Variants in HTR4 observed in about 807,000 individuals in gnomAD.
The protein encoded by HTR4 is 5-hydroxytryptamine (serotonin) receptor 4, G protein-coupled.
In HTR4, 16 loss-of-function variants were observed where a neutral mutation model predicts 36.8. The observed-to-expected ratio is 0.43, with a 90% confidence interval of 0.29 to 0.66. HTR4 has a LOEUF of 0.66. HTR4 is among the 30% of genes least tolerant of loss of function. The pLI, the probability that HTR4 is intolerant of heterozygous loss-of-function variation, is 0.13. For synonymous variants in HTR4, 189 were observed against 185.1 expected, an observed-to-expected ratio of 1.02 and a Z score of -0.17; for missense variants, 438 against 490.9, an observed-to-expected ratio of 0.89 and a Z score of 1.02.
intron 2 of HTR4, among the ~76,000 whole-genome samples, chr5:148,570,264 A>G (rs1760621157): frequency 6.6e-6 from 1 of 152,144 alleles, no homozygotes; most frequent in Non-Finnish European, 1.5e-5. Context: ...TCAACAGAGT[A>G]TTTGATAGTC....
chr5:148,550,066 T>C (rs1193365823), intron 3 of HTR4, 71 bp downstream of exon 3: 1 of 1,492,006 alleles, frequency 6.7e-7, no homozygotes, highest in African/African-American at 1.4e-5. Context: ...AATAGAAATG[T>C]TCACACCCAA....
intron 2 of HTR4, among the ~76,000 whole-genome samples, chr5:148,587,490 G>C (rs1424739674): frequency 6.6e-6 from 1 of 152,166 alleles, no homozygotes. Context: ...GGGATGGCTG[G>C]TGGTGGAATT....
At chr5:148,510,838 T>TTGTGCTTTAGTGTAACAGCC (rs1757462880) in intron 5 of HTR4, among the ~76,000 whole-genome samples, 1 of 151,980 alleles carries the variant, frequency 6.6e-6, no homozygotes, top group East Asian at 1.9e-4. Flanking sequence ...GTGTAACAGC[T>TTGTGCTTTAGTGTAACAGCC]TGTGTTTTAG....
At chr5:148,581,448 T>C (rs1441294832) in intron 2 of HTR4, among the ~76,000 whole-genome samples, 1 of 152,096 alleles carries the variant, frequency 6.6e-6, no homozygotes, top group Non-Finnish European at 1.5e-5. Context: ...TCCCCTCTGT[T>C]TTCTTCCAGG....
chr5:148,501,378 C>T (rs559441047), intron 6 of HTR4, among the ~76,000 whole-genome samples: 4 of 152,224 alleles, frequency 2.6e-5, no homozygotes, highest in African/African-American at 9.6e-5. Flanking sequence ...CCTCTGGGAA[C>T]AGGGGTAGGA....
At chr5:148,526,185 T>C (rs1470941026) in intron 4 of HTR4, among the ~76,000 whole-genome samples, 1 of 152,228 alleles carries the variant, frequency 6.6e-6, no homozygotes, top group African/African-American at 2.4e-5. Flanking sequence ...TGGTACCTGT[T>C]ATGACAGCTT....
chr5:148,566,190 A>G (rs1760432243), intron 2 of HTR4, among the ~76,000 whole-genome samples: 1 of 152,194 alleles, frequency 6.6e-6, no homozygotes, highest in Non-Finnish European at 1.5e-5. Flanking sequence ...TTTAATGACA[A>G]GGGACATTTC....
At chr5:148,570,638 C>T (rs1760636326) in intron 2 of HTR4, among the ~76,000 whole-genome samples, 2 of 152,048 alleles carry the variant, frequency 1.3e-5, no homozygotes, top group African/African-American at 2.4e-5. Flanking sequence ...TGCCTCATGT[C>T]AGATGCGGCC....
At chr5:148,529,920 T>A (rs1198546356) in intron 4 of HTR4, among the ~76,000 whole-genome samples, 1 of 152,188 alleles carries the variant, frequency 6.6e-6, no homozygotes, top group African/African-American at 2.4e-5. Context: ...GCAAAGAGAT[T>A]GGTGGCATTT....
At position 148,551,379 on chromosome 5, in the gene HTR4, C is replaced by A. The variant is rs566542005; in HGVS notation, c.27-1117G>T. Among the ~76,000 whole-genome samples, 8 of 152,260 alleles carry A rather than the reference C, an allele frequency of 5.3e-5. No homozygotes were observed. In the South Asian group the frequency reaches 1.7e-3, roughly 32 times the overall value. On this transcript the variant is annotated intron_variant, in intron 2 of 6. Transcript: ENST00000377888. ...CAGTGGCTCCTTTCACCACCCTGAT[C>A]ATTTCTTTTAGTGCCCACAATATGT...
intron 5 of HTR4, chr5:148,466,003 C>T: frequency 6.4e-7 from 1 of 1,563,542 alleles, no homozygotes; most frequent in Non-Finnish European, 8.6e-7. Context: ...AAAAAAAAAA[C>T]ATAGAGATTA....
chr5:148,509,999 T>C lies in HTR4; in HGVS notation c.533A>G (p.Asn178Ser), dbSNP rs1273202135. Residue 178 changes from asparagine (N) to serine (S), a missense_variant, in exon 6 of 7, where the codon AAC (asparagine) becomes AGC (serine). By Grantham distance (46) the Asn-to-Ser change is conservative (BLOSUM62 1). Coordinates refer to ENST00000377888, the MANE Select transcript of HTR4 (RefSeq NM_000870.7). ...GAAGACACAGTACGTAGAGTTAGAGTTCTGGTTGAACTTCCTCTTTTCTAT... is the reference window on the plus strand; with the variant it reads ...GAAGACACAGTACGTAGAGTTAGAGCTCTGGTTGAACTTCCTCTTTTCTAT... ...DLIEKRKFNQ[N>S]SNSTYCVFMV... 5 of 1,612,118 alleles carry C rather than the reference T, an allele frequency of 3.1e-6. No homozygotes were observed. The highest frequency in any genetic ancestry group is 3.4e-6 in the Non-Finnish European group (4 of 1,179,132).
chr5:148,514,388 G>C (rs894515081), intron 5 of HTR4, among the ~76,000 whole-genome samples: 4 of 151,776 alleles, frequency 2.6e-5, no homozygotes, highest in Admixed American at 6.6e-5. Context: ...TTTTTTTATT[G>C]ATGCAATGAA....
chr5:148,572,262 G>A (rs904509270), intron 2 of HTR4, among the ~76,000 whole-genome samples: 1 of 151,918 alleles, frequency 6.6e-6, no homozygotes, highest in Non-Finnish European at 1.5e-5. Context: ...AGTCATATCT[G>A]TTTTTTATGC....
chr5:148,603,534 T>G (rs149071062), intron 2 of HTR4, among the ~76,000 whole-genome samples: 11 of 152,134 alleles, frequency 7.2e-5, no homozygotes, highest in African/African-American at 2.4e-4. Flanking sequence ...CTAGCCAGTA[T>G]GATGAGGTAA....
intron 2 of HTR4, among the ~76,000 whole-genome samples, chr5:148,627,860 G>T (rs1753175896): frequency 6.6e-6 from 1 of 152,190 alleles, no homozygotes; most frequent in South Asian, 2.1e-4. Flanking sequence ...GGTACTAAAA[G>T]TCATAATATG....
chr5:148,567,239 G>A (rs886513058), intron 2 of HTR4, among the ~76,000 whole-genome samples: 6 of 152,066 alleles, frequency 3.9e-5, no homozygotes, highest in Admixed American at 3.3e-4. Context: ...CTCCCCTTCT[G>A]TGGATGTTTT....
intron 5 of HTR4, among the ~76,000 whole-genome samples, chr5:148,453,689 C>T (rs147603630): frequency 7.9e-5 from 12 of 151,292 alleles, no homozygotes; most frequent in East Asian, 2.0e-4. Flanking sequence ...GCCAAGTGGG[C>T]GGGGGTGGGC....
intron 2 of HTR4, among the ~76,000 whole-genome samples, chr5:148,614,370 TA>T (rs1752573962): frequency 6.6e-6 from 1 of 152,006 alleles, no homozygotes; most frequent in Non-Finnish European, 1.5e-5. Context: ...CCCTCAGAAA[TA>T]ATGCCGCATA....
Sources: gnomAD v4.1 joint callset for allele counts (sites outside exome capture counted in the v4.1 genomes callset) on GRCh38, gnomAD v4.1.1 for gene constraint, MANE v1.5 for transcripts, NCBI Gene and HGNC (gene_info 2026-07-23, HGNC 2026-07-21) for gene names.